Variants in KLHL29 observed in about 807,000 individuals in gnomAD.
KLHL29 encodes the protein kelch-like protein 29.
KLHL29 carries 21 observed loss-of-function variants against 80.4 expected under a neutral mutation model. That is an observed-to-expected ratio of 0.26 (90% CI 0.19 to 0.38). KLHL29 has a LOEUF of 0.38. KLHL29 is among the 10% of genes least tolerant of loss of function. The pLI, the probability that KLHL29 is intolerant of heterozygous loss-of-function variation, is 1.00. For missense variants in KLHL29, 867 were observed against 1,223.9 expected, an observed-to-expected ratio of 0.71 and a Z score of 4.35; for synonymous variants, 511 against 526.8, an observed-to-expected ratio of 0.97 and a Z score of 0.41.
intron 2 of KLHL29, among the ~76,000 whole-genome samples, chr2:23,548,755 T>G (rs1369139816): frequency 6.6e-6 from 1 of 152,234 alleles, no homozygotes; most frequent in Non-Finnish European, 1.5e-5. Flanking sequence ...GGGGACTGTT[T>G]AGCATCATAG....
In KLHL29 at chr2:23,562,329, A is replaced by T. The variant is rs1667470479; in HGVS notation, c.133A>T (p.Ser45Cys). The T allele has an allele frequency of 6.5e-7, 1 of 1,544,798 alleles. No homozygotes were observed. The highest frequency in any genetic ancestry group is 8.7e-7 in the Non-Finnish European group (1 of 1,144,546). ...CTCGGGGGCCGGTGGCGGCACAGCC[A>T]GCAGCCTCAGCGTCCGGCCCGGCCT... Reference protein sequence around the residue: ...VTSGAGGGTASSLSVRPGLLP... With the variant: ...VTSGAGGGTACSLSVRPGLLP... The change falls in exon 3 of 14, where the codon AGC (serine) becomes TGC (cysteine). Residue 45 changes from serine (S) to cysteine (C), a missense_variant. By Grantham distance (112) the Ser-to-Cys change is moderately radical (BLOSUM62 -1). Around this residue, in one of 2 missense-constraint regions of KLHL29, gnomAD observed 424 missense variants for 456.9 expected, o/e 0.93. Transcript: ENST00000486442. This position sits in a 1 kb window ranked among gnomAD's most constrained non-coding sequence, Gnocchi z 4.5.
intron 2 of KLHL29, among the ~76,000 whole-genome samples, chr2:23,559,918 C>T (rs1012382604): frequency 6.6e-6 from 1 of 152,024 alleles, no homozygotes; most frequent in African/African-American, 2.4e-5. Context: ...AAGGAGCAGC[C>T]GAGAGGGAGG....
intron 1 of KLHL29, among the ~76,000 whole-genome samples, chr2:23,419,692 T>C (rs1662728900): frequency 6.6e-6 from 1 of 151,816 alleles, no homozygotes. Context: ...TAACCAGGAG[T>C]CTGGCATTGG....
At chr2:23,452,903 C>T (rs1027945059) in intron 1 of KLHL29, among the ~76,000 whole-genome samples, 1 of 140,588 alleles carries the variant, frequency 7.1e-6, no homozygotes, top group South Asian at 2.2e-4. Context: ...AGACTGGTCA[C>T]CCCCCCGCCC....
At position 23,562,742 on chromosome 2, in the gene KLHL29, T is replaced by C. The variant is rs922503318; in HGVS notation, c.285+261T>C. On this transcript the variant is annotated intron_variant, in intron 3 of 13. Transcript: ENST00000486442. This position sits in a 1 kb window ranked among gnomAD's most constrained non-coding sequence, Gnocchi z 4.5. Reference sequence around the variant, plus strand: ...AGGCCACTCATTGTCCTATGCCATGTTGATTAGATGCTATTAATGAGTGAA... The same window carrying C: ...AGGCCACTCATTGTCCTATGCCATGCTGATTAGATGCTATTAATGAGTGAA... 6.6e-6 allele frequency among the ~76,000 whole-genome samples: 1 copy of C among 152,188 alleles called. No individual in the cohort carries two copies. Among genetic ancestry groups the C allele is most frequent in the Non-Finnish European group, 1.5e-5 (1 of 68,040 alleles).
Position 23,651,062 on chromosome 2 carries a change from AAAAT to A in KLHL29, c.940+8215_940+8218del, listed in dbSNP as rs1670075786. Reference sequence around the variant, plus strand: ...CACTATTCTAGAAATGTAAGGGGTAAAAATAATACAAGCAGAGTATTTTAGGAGC... The same window carrying A: ...CACTATTCTAGAAATGTAAGGGGTAAAATACAAGCAGAGTATTTTAGGAGC... On this transcript the variant is annotated intron_variant, in intron 5 of 13. Coordinates refer to ENST00000486442, the MANE Select transcript of KLHL29 (RefSeq NM_052920.2). Among the ~76,000 whole-genome samples, 4 of 152,344 alleles carry A rather than the reference AAAAT, an allele frequency of 2.6e-5. No homozygotes were observed. In the South Asian group the frequency reaches 8.3e-4, roughly 32 times the overall value.
At chr2:23,630,444 C>T (rs1473483941) in intron 3 of KLHL29, among the ~76,000 whole-genome samples, 1 of 152,090 alleles carries the variant, frequency 6.6e-6, no homozygotes, top group African/African-American at 2.4e-5. Flanking sequence ...AATAGTAGAC[C>T]CGGGTTAGAG....
chr2:23,475,932 C>T (rs1194572538), intron 2 of KLHL29, among the ~76,000 whole-genome samples: 5 of 152,290 alleles, frequency 3.3e-5, no homozygotes, highest in East Asian at 1.9e-4. Flanking sequence ...CAGGCTGGAG[C>T]GCAGTGGCGC....
At chr2:23,589,265 G>A (rs1668198315) in intron 3 of KLHL29, among the ~76,000 whole-genome samples, 1 of 152,260 alleles carries the variant, frequency 6.6e-6, no homozygotes, top group Admixed American at 6.5e-5. Flanking sequence ...AGGAAATATT[G>A]ATTTTGCTGT....
intron 1 of KLHL29, among the ~76,000 whole-genome samples, chr2:23,430,431 T>C (rs955293739): frequency 2.0e-5 from 3 of 152,210 alleles, no homozygotes; most frequent in African/African-American, 7.2e-5. Context: ...AGATGACGCA[T>C]GTTCTAAAAG....
intron 2 of KLHL29, among the ~76,000 whole-genome samples, chr2:23,542,112 C>T (rs1666855309): frequency 6.6e-6 from 1 of 152,160 alleles, no homozygotes; most frequent in Admixed American, 6.6e-5. Flanking sequence ...AGGGTGGTGG[C>T]AGTGTTTTGT....
chr2:23,569,691 T>G (rs1667671100), intron 3 of KLHL29, among the ~76,000 whole-genome samples: 2 of 152,210 alleles, frequency 1.3e-5, no homozygotes, highest in African/African-American at 4.8e-5. Context: ...CCAACCCATT[T>G]GTTAACTAGG....
At chr2:23,691,132 CAA>C (rs1193610495) in intron 6 of KLHL29, 2 of 155,770 alleles carry the variant, frequency 1.3e-5, no homozygotes, top group African/African-American at 4.8e-5. Flanking sequence ...TAAAAGGAAA[CAA>C]TATGTTTTTG....
chr2:23,405,809 G>A (rs1666712365), intron 1 of KLHL29, among the ~76,000 whole-genome samples: 1 of 152,194 alleles, frequency 6.6e-6, no homozygotes, highest in African/African-American at 2.4e-5. Flanking sequence ...ACATGGTTTT[G>A]GAGGTCAAGC....
At chr2:23,467,964 G>C (rs1664397338) in intron 1 of KLHL29, among the ~76,000 whole-genome samples, 1 of 151,758 alleles carries the variant, frequency 6.6e-6, no homozygotes, top group South Asian at 2.1e-4. Context: ...GCTCCATCTA[G>C]TGTGACTCCC....
At chr2:23,553,310 A>G (rs888557318) in intron 2 of KLHL29, among the ~76,000 whole-genome samples, 10 of 152,338 alleles carry the variant, frequency 6.6e-5, no homozygotes, top group African/African-American at 2.4e-4. Flanking sequence ...TGTGGCAACG[A>G]GAACCTTTCA....
intron 1 of KLHL29, among the ~76,000 whole-genome samples, chr2:23,410,957 C>T (rs924532799): frequency 6.6e-6 from 1 of 152,158 alleles, no homozygotes; most frequent in Non-Finnish European, 1.5e-5. Flanking sequence ...CCAGAGCCTT[C>T]CCTTCCTCCC....
At chr2:23,402,775 G>A (rs1001489257) in intron 1 of KLHL29, among the ~76,000 whole-genome samples, 4 of 152,154 alleles carry the variant, frequency 2.6e-5, no homozygotes, top group African/African-American at 9.7e-5. Flanking sequence ...TTCACTGTAA[G>A]TTTGGTTATT....
intron 3 of KLHL29, among the ~76,000 whole-genome samples, chr2:23,636,211 C>T (rs1262674100): frequency 2.6e-5 from 4 of 152,182 alleles, no homozygotes; most frequent in African/African-American, 9.7e-5. Context: ...GTCACCCACC[C>T]GGGGGCCCAG....
Sources: allele counts gnomAD v4.1 joint callset (sites outside exome capture counted in the v4.1 genomes callset), GRCh38; gene constraint gnomAD v4.1.1; regional missense constraint gnomAD v4.1.1; non-coding constraint Gnocchi (gnomAD v3.1); transcripts MANE v1.5; gene names NCBI Gene and HGNC (gene_info 2026-07-23, HGNC 2026-07-21).